The following PDE4D variants were observed in gnomAD, a reference collection of about 807,000 sequenced individuals.
PDE4D encodes phosphodiesterase 4D, also known as 3',5'-cyclic-AMP phosphodiesterase 4D.
A neutral mutation model predicts 87.4 loss-of-function variants in PDE4D; 24 were observed. That is an observed-to-expected ratio of 0.27 (90% CI 0.20 to 0.39). PDE4D has a LOEUF of 0.39. Among genes scored for constraint, PDE4D ranks in the 10% least tolerant of loss-of-function variants. The probability of loss-of-function intolerance (pLI) is 1.00; values close to 1 mark genes in which losing one functional copy is unlikely to be tolerated. For missense variants in PDE4D, 714 were observed against 1,041.0 expected, an observed-to-expected ratio of 0.69 and a Z score of 4.32; for synonymous variants, 384 against 383.2, an observed-to-expected ratio of 1.00 and a Z score of -0.02.
At chr5:60,176,761 G>T (rs1233047767) in intron 2 of PDE4D, among the ~76,000 whole-genome samples, 1 of 152,140 alleles carries the variant, frequency 6.6e-6, no homozygotes, top group African/African-American at 2.4e-5. Flanking sequence ...ACTGGTTAAG[G>T]TCTGTGTCTG....
intron 5 of PDE4D, among the ~76,000 whole-genome samples, chr5:59,159,127 C>CCT (rs1780653848): frequency 1.3e-5 from 1 of 78,754 alleles, no homozygotes. Context: ...CCTCTGAATT[C>CCT]TTACGATACT....
At chr5:58,989,519 T>C (rs180801238) in intron 10 of PDE4D, among the ~76,000 whole-genome samples, 1 of 152,230 alleles carries the variant, frequency 6.6e-6, no homozygotes, top group African/African-American at 2.4e-5. Flanking sequence ...CAGTGGATCA[T>C]TTCAAAGAAG....
chr5:59,291,098 G>T (rs116434552), intron 1 of PDE4D, among the ~76,000 whole-genome samples: 10,468 of 151,958 alleles, frequency 0.069, 471 homozygotes, highest in South Asian at 0.13. Flanking sequence ...CCAAAAGAAA[G>T]AAAGTCAAAA....
At chr5:59,439,525 A>G (rs1361967321) in intron 1 of PDE4D, among the ~76,000 whole-genome samples, 2 of 152,194 alleles carry the variant, frequency 1.3e-5, no homozygotes, top group Admixed American at 6.5e-5. Flanking sequence ...TTCAACAAAT[A>G]TTTATCAAGT....
rs146833326 is a variant in PDE4D at position 59,200,731 on chromosome 5, G to GTA, written c.648-7197_648-7196dup. Among the ~76,000 whole-genome samples, 9 of 116,350 alleles carry GTA rather than the reference G, an allele frequency of 7.7e-5. 1 individual carries two copies. The highest frequency in any genetic ancestry group is 1.1e-4 in the Non-Finnish European group (6 of 56,936). The allele number at this position is 116,350 out of a possible 152,430, so 76.3% of individuals were successfully genotyped here. A position where few individuals can be genotyped will look rare whatever the true frequency, so the allele number is the denominator to read the frequency against. ...TACACGTATACATACATATGTGTAT[G>GTA]TATATATATACATACACACATATGA... On this transcript the variant is annotated intron_variant, in intron 2 of 14. Transcript: ENST00000340635.
Position 59,611,885 on chromosome 5 carries a change from GCC to G in PDE4D, c.455+281281_455+281282del, listed in dbSNP as rs1829050919. On this transcript the variant is annotated intron_variant, in intron 1 of 14. Coordinates refer to ENST00000340635, the MANE Select transcript of PDE4D (RefSeq NM_001104631.2). ...CTATCCACATCACTAAAGCCAATCA[GCC>G]AGACTGTCATTCTTACTCTGATGCT... is the stretch of plus-strand genomic sequence containing the variant. Among the ~76,000 whole-genome samples, 16 of 152,218 alleles carry G rather than the reference GCC, an allele frequency of 1.1e-4. No individual in the cohort carries two copies. The South Asian group carries it at 3.3e-3, about 32-fold the overall frequency.
intron 1 of PDE4D, among the ~76,000 whole-genome samples, chr5:60,486,076 C>T (rs555585317): frequency 1.3e-5 from 2 of 152,288 alleles, no homozygotes; most frequent in South Asian, 4.1e-4. Flanking sequence ...GAATACTACA[C>T]CAAGTGGGCC....
At chr5:59,774,779 C>T (rs1763919085) in intron 1 of PDE4D, among the ~76,000 whole-genome samples, 1 of 150,468 alleles carries the variant, frequency 6.6e-6, no homozygotes, top group Non-Finnish European at 1.5e-5. Context: ...CCTCCACCTT[C>T]TGGGTTCAAG....
Position 59,331,161 on chromosome 5 carries a change from T to G in PDE4D, c.456-115193A>C, listed in dbSNP as rs542878707. 2.0e-5 allele frequency among the ~76,000 whole-genome samples: 3 copies of G among 152,344 alleles called. No homozygotes were observed. In the East Asian group the frequency reaches 5.8e-4, roughly 29 times the overall value. On this transcript the variant is annotated intron_variant, in intron 1 of 14. Transcript: ENST00000340635. Reference sequence around the variant, plus strand: ...TGAATTTAGTTTATAATATTATTTCTTAAAATACAAATAATACTTGCTCAT... The same window carrying G: ...TGAATTTAGTTTATAATATTATTTCGTAAAATACAAATAATACTTGCTCAT...
intron 1 of PDE4D, among the ~76,000 whole-genome samples, chr5:60,300,213 T>C (rs1753771565): frequency 6.6e-6 from 1 of 152,224 alleles, no homozygotes; most frequent in African/African-American, 2.4e-5. Context: ...AAAGTGTCTG[T>C]TCATGTCATT....
chr5:59,689,133 C>T (rs1403490937), intron 1 of PDE4D, among the ~76,000 whole-genome samples: 2 of 152,098 alleles, frequency 1.3e-5, no homozygotes, highest in Non-Finnish European at 2.9e-5. Flanking sequence ...CCGAATTCTA[C>T]CAGAGATACA....
In PDE4D at chr5:59,180,360, T is replaced by C. The variant is rs531421317; in HGVS notation, c.808+235A>G. 1.2e-5 allele frequency: 8 copies of C among 688,870 alleles called. No individual in the cohort carries two copies. In the African/African-American group the frequency reaches 1.4e-4, roughly 12 times the overall value. 42.7% of individuals were successfully genotyped at this position (688,870 alleles called of 1,614,324 possible). A position where few individuals can be genotyped will look rare whatever the true frequency, so the allele number is the denominator to read the frequency against. On this transcript the variant is annotated intron_variant, in intron 5 of 14. Coordinates refer to ENST00000340635, the MANE Select transcript of PDE4D (RefSeq NM_001104631.2). ...CAATGCTCAAATGAGTATAAGCACATAGTTAAATGGTTAAAAATAATGTAC... is the reference window on the plus strand; with the variant it reads ...CAATGCTCAAATGAGTATAAGCACACAGTTAAATGGTTAAAAATAATGTAC...
At chr5:59,638,506 G>A (rs1426252343) in intron 1 of PDE4D, among the ~76,000 whole-genome samples, 1 of 152,108 alleles carries the variant, frequency 6.6e-6, no homozygotes, top group Non-Finnish European at 1.5e-5. Context: ...TTAAAAGACA[G>A]TAAAGAGCCA....
intron 1 of PDE4D, among the ~76,000 whole-genome samples, chr5:59,695,391 C>T (rs904693724): frequency 6.6e-6 from 1 of 152,062 alleles, no homozygotes; most frequent in Non-Finnish European, 1.5e-5. Context: ...AATGTCATCT[C>T]TGTGCATAAC....
intron 1 of PDE4D, among the ~76,000 whole-genome samples, chr5:59,532,847 T>C (rs762537719): frequency 1.3e-5 from 2 of 152,130 alleles, no homozygotes; most frequent in African/African-American, 2.4e-5. Context: ...TGTAGCATGA[T>C]TGGACCATCT....
chr5:59,356,825 G>A, intron 1 of PDE4D: 2 of 1,551,978 alleles, frequency 1.3e-6, no homozygotes, highest in Non-Finnish European at 8.6e-7. Flanking sequence ...GTGGCTCCCA[G>A]AGGATCCCAA....
intron 1 of PDE4D, among the ~76,000 whole-genome samples, chr5:59,663,217 T>A (rs1745532392): frequency 6.6e-6 from 1 of 152,032 alleles, no homozygotes; most frequent in Non-Finnish European, 1.5e-5. Flanking sequence ...AAGGCTGGAG[T>A]ACATTGGCGT....
At chr5:60,252,746 T>G (rs1193579959) in intron 1 of PDE4D, among the ~76,000 whole-genome samples, 1 of 151,856 alleles carries the variant, frequency 6.6e-6, no homozygotes, top group African/African-American at 2.4e-5. Context: ...AGAAGAAAAT[T>G]AGCCTGCCCA....
intron 1 of PDE4D, among the ~76,000 whole-genome samples, chr5:59,571,039 G>T (rs1188623485): frequency 6.6e-6 from 1 of 152,106 alleles, no homozygotes; most frequent in African/African-American, 2.4e-5. Context: ...GTCTTCATGT[G>T]CACCATAACA....
Sources: gnomAD v4.1 joint callset for allele counts (sites outside exome capture counted in the v4.1 genomes callset) on GRCh38, gnomAD v4.1.1 for gene constraint, MANE v1.5 for transcripts, NCBI Gene and HGNC (gene_info 2026-07-23, HGNC 2026-07-21) for gene names.